Variants in DISC1 observed in about 807,000 individuals in gnomAD.
DISC1 encodes disrupted in schizophrenia 1 protein.
In DISC1, 57 loss-of-function variants were observed where a neutral mutation model predicts 84.5. The observed-to-expected ratio is 0.67, with a 90% CI of 0.55 to 0.84. The LOEUF (loss-of-function observed/expected upper bound fraction) is 0.84. Among genes scored for constraint, DISC1 ranks in the 40% least tolerant of loss-of-function variants. DISC1 has a pLI of 0.00. For synonymous variants in DISC1, 411 were observed against 415.2 expected, an observed-to-expected ratio of 0.99 and a Z score of 0.12; for missense variants, 1,000 against 1,057.8, an observed-to-expected ratio of 0.95 and a Z score of 0.76.
In DISC1 at chr1:231,693,991, A is replaced by G; in HGVS notation, c.233A>G (p.His78Arg). 4.3e-6 allele frequency: 7 copies of G among 1,613,826 alleles called. No homozygotes were observed. Among genetic ancestry groups the G allele is most frequent in the Non-Finnish European group, 5.9e-6 (7 of 1,179,892 alleles). ...GGGGTGTCTGGCGAGGAGTCCCACC[A>G]CTCGGAGTCCAGGGCCAGACAGTGT... ...PGGVSGEESH[H>R]SESRARQCGL... Residue 78 changes from histidine to arginine, a missense_variant, in exon 2 of 13, where the codon CAC (histidine) becomes CGC (arginine). Transcript: ENST00000439617.
intron 6 of DISC1, among the ~76,000 whole-genome samples, chr1:231,782,872 G>A (rs1253896786): frequency 6.6e-6 from 1 of 152,124 alleles, no homozygotes; most frequent in Non-Finnish European, 1.5e-5. Context: ...AACATGGGAG[G>A]TGGAGGTTGC....
intron 9 of DISC1, among the ~76,000 whole-genome samples, chr1:231,888,715 G>C (rs1014030019): frequency 1.4e-5 from 2 of 145,838 alleles, no homozygotes; most frequent in African/African-American, 5.1e-5. Flanking sequence ...TCCAGCCTGG[G>C]CGACAGAGTG....
chr1:231,774,854 T>C (rs2076841345), intron 6 of DISC1: 1 of 419,066 alleles, frequency 2.4e-6, no homozygotes, highest in Non-Finnish European at 4.8e-6. Context: ...TTTTAACTAA[T>C]TGGACATGAT....
intron 1 of DISC1, among the ~76,000 whole-genome samples, chr1:231,681,900 A>T (rs984619572): frequency 1.3e-5 from 2 of 152,050 alleles, no homozygotes; most frequent in African/African-American, 4.8e-5. Context: ...GGGTTTCACC[A>T]TGTTGGCCAG....
intron 9 of DISC1, among the ~76,000 whole-genome samples, chr1:231,917,295 G>A (rs1029560335): frequency 1.1e-4 from 16 of 151,998 alleles, no homozygotes; most frequent in Non-Finnish European, 1.9e-4. Flanking sequence ...CTCTTCTATC[G>A]AGATGCAATC....
At chr1:231,863,662 G>A (rs1415849717) in intron 9 of DISC1, among the ~76,000 whole-genome samples, 2 of 152,148 alleles carry the variant, frequency 1.3e-5, no homozygotes, top group African/African-American at 4.8e-5. Context: ...ACTGTCATGG[G>A]ACAGATTGCA....
chr1:231,952,457 T>A (rs1008652235), intron 9 of DISC1, among the ~76,000 whole-genome samples: 2 of 152,102 alleles, frequency 1.3e-5, no homozygotes, highest in African/African-American at 4.8e-5. Flanking sequence ...TCTTGAGAGT[T>A]CTAGCTAAAC....
chr1:231,776,621 T>C (rs918907462), intron 6 of DISC1, among the ~76,000 whole-genome samples: 2 of 152,170 alleles, frequency 1.3e-5, no homozygotes, highest in African/African-American at 4.8e-5. Context: ...GGGCACTGAT[T>C]ATGCAGGGTG....
Position 232,031,460 on chromosome 1 carries a change from G to GGGAAA in DISC1, c.2425+4911_2425+4912insAAGGA, listed in dbSNP as rs1670042957. 6.7e-6 allele frequency among the ~76,000 whole-genome samples: 1 copy of GGGAAA among 148,588 alleles called. No homozygotes were observed. Among genetic ancestry groups the GGGAAA allele is most frequent in the African/African-American group, 2.5e-5 (1 of 40,070 alleles). ...AGGGAAAAGGGAAAGGAGAAGGGAAGGGAGAAGGGAAGGGAGCAAAAGGGA... is the reference window on the plus strand; with the variant it reads ...AGGGAAAAGGGAAAGGAGAAGGGAAGGGAAAGGAGAAGGGAAGGGAGCAAAAGGGA... On this transcript the variant is annotated intron_variant, in intron 12 of 12. Transcript: ENST00000439617. This position sits in a 1 kb window ranked among gnomAD's most constrained non-coding sequence, Gnocchi z 4.6.
rs1347911686 is a variant in DISC1, at chr1:231,870,997, C to A, written c.1981+52480C>A. On this transcript the variant is annotated intron_variant, in intron 9 of 12. Transcript: ENST00000439617. ...TTTTGTAATATGTACCCGCATTTTTCTTCTTACAGCTATTGGGGGTGCACT... is the reference window on the plus strand; with the variant it reads ...TTTTGTAATATGTACCCGCATTTTTATTCTTACAGCTATTGGGGGTGCACT... 9.0e-4 allele frequency among the ~76,000 whole-genome samples: 136 copies of A among 151,736 alleles called. 2 individuals are homozygous for A. Among genetic ancestry groups the A allele is most frequent in the Non-Finnish European group, 1.5e-4 (10 of 67,960 alleles).
intron 9 of DISC1, among the ~76,000 whole-genome samples, chr1:231,950,226 G>GTGTT (rs984613686): frequency 6.6e-6 from 1 of 151,634 alleles, no homozygotes; most frequent in Non-Finnish European, 1.5e-5. Context: ...GTGTGTGTGT[G>GTGTT]TGTGTGTGTG....
Position 231,654,941 on chromosome 1 carries a change from T to G in DISC1, c.67+28007T>G, listed in dbSNP as rs548330524. ...CTTAATTAGCTCTTTGCTACAAGGCTGAATCTTTTACCTGTGTCACTCAAA... is the reference window on the plus strand; with the variant it reads ...CTTAATTAGCTCTTTGCTACAAGGCGGAATCTTTTACCTGTGTCACTCAAA... On this transcript the variant is annotated intron_variant, in intron 1 of 12. Transcript: ENST00000439617. Among the ~76,000 whole-genome samples, 18 of 152,306 alleles carry G rather than the reference T, an allele frequency of 1.2e-4. No homozygotes were observed. In the South Asian group the frequency reaches 3.5e-3, roughly 30 times the overall value.
At chr1:232,018,607 A>G (rs1668687510) in intron 11 of DISC1, among the ~76,000 whole-genome samples, 2 of 152,228 alleles carry the variant, frequency 1.3e-5, no homozygotes, top group Admixed American at 6.5e-5. Flanking sequence ...ATTTGACATC[A>G]GCTCTAATTC....
intron 9 of DISC1, among the ~76,000 whole-genome samples, chr1:231,919,999 C>T (rs1421449509): frequency 6.6e-6 from 1 of 152,100 alleles, no homozygotes. Context: ...ACGTTTTAGA[C>T]CAGACACCTC....
intron 8 of DISC1, among the ~76,000 whole-genome samples, chr1:231,813,704 G>C (rs1355746783): frequency 6.6e-6 from 1 of 152,138 alleles, no homozygotes; most frequent in African/African-American, 2.4e-5. Context: ...CAACTTCCTT[G>C]TGAGTTTAGT....
intron 1 of DISC1, among the ~76,000 whole-genome samples, chr1:231,632,882 C>T (rs59215549): frequency 2.2e-3 from 332 of 152,216 alleles, no homozygotes; most frequent in African/African-American, 7.6e-3. Context: ...ACCATCCTGG[C>T]CAACATGGCA....
intron 9 of DISC1, among the ~76,000 whole-genome samples, chr1:231,860,725 C>G (rs1251453725): frequency 6.6e-6 from 1 of 152,132 alleles, no homozygotes; most frequent in African/African-American, 2.4e-5. Flanking sequence ...ATTTTCCATT[C>G]CCCACAATTC....
At chr1:231,632,793 A>G (rs751229) in intron 1 of DISC1, among the ~76,000 whole-genome samples, 69,608 of 152,020 alleles carry the variant, frequency 0.46, 16,612 homozygotes, top group East Asian at 0.82. Flanking sequence ...ATTTTCAGCC[A>G]GGCGCAGTGG....
At chr1:231,705,460 G>A (rs1366594583) in intron 3 of DISC1, among the ~76,000 whole-genome samples, 1 of 151,916 alleles carries the variant, frequency 6.6e-6, no homozygotes, top group African/African-American at 2.4e-5. Flanking sequence ...TGGGTTTGAT[G>A]CAACAGACGG....
Sources: allele counts gnomAD v4.1 joint callset (sites outside exome capture counted in the v4.1 genomes callset), GRCh38; gene constraint gnomAD v4.1.1; non-coding constraint Gnocchi (gnomAD v3.1); transcripts MANE v1.5; gene names NCBI Gene and HGNC (gene_info 2026-07-23, HGNC 2026-07-21).